Variants in SLC71A2 observed in about 807,000 individuals in gnomAD.
SLC71A2 encodes hippocampus abundant transcript-like 1.
chr9:94,458,166 G>T, the SLC71A2 span: 2 of 565,302 alleles, frequency 3.5e-6, no homozygotes, highest in South Asian at 2.8e-5. Context: ...TTTTATAATG[G>T]ATAAAGTCTT....
At chr9:94,425,412 T>C in the SLC71A2 span, among the ~76,000 whole-genome samples, 1 of 152,300 alleles carries the variant, frequency 6.6e-6, no homozygotes, top group South Asian at 2.1e-4. Flanking sequence ...GAAGAGCTGA[T>C]TATAAAATAT....
At chr9:94,457,395 CCTTT>C in the SLC71A2 span, among the ~76,000 whole-genome samples, 1 of 110,338 alleles carries the variant, frequency 9.1e-6, no homozygotes, top group Non-Finnish European at 1.9e-5. Context: ...GCCTAAGAGC[CCTTT>C]TTTTTAAAAG....
At chr9:94,452,021 C>T in the SLC71A2 span, among the ~76,000 whole-genome samples, 1 of 152,198 alleles carries the variant, frequency 6.6e-6, no homozygotes, top group African/African-American at 2.4e-5. Flanking sequence ...TTAGTGTTTT[C>T]TCAGAAAAGA....
the SLC71A2 span, chr9:94,459,155 C>T: frequency 6.2e-7 from 1 of 1,611,384 alleles, no homozygotes; most frequent in Non-Finnish European, 8.5e-7. Flanking sequence ...TTTCCACGTT[C>T]AACAGGGAGC....
the SLC71A2 span, chr9:94,374,451 G>A: frequency 0.028 from 4,232 of 152,490 alleles, 80 homozygotes; most frequent in Non-Finnish European, 0.043. Flanking sequence ...TCAGGCGCGG[G>A]ACTCGTTCTC....
At chr9:94,404,297 CTT>C in the SLC71A2 span, among the ~76,000 whole-genome samples, 1 of 151,798 alleles carries the variant, frequency 6.6e-6, no homozygotes, top group Admixed American at 6.6e-5. Context: ...TTTTCTTTCT[CTT>C]TTTTGTTTTT....
At chr9:94,451,846 C>T in the SLC71A2 span, among the ~76,000 whole-genome samples, 15 of 152,164 alleles carry the variant, frequency 9.9e-5, no homozygotes, top group Non-Finnish European at 2.1e-4. Flanking sequence ...ACCAGGCAGC[C>T]CAGCCTGGTG....
At chr9:94,409,954 G>A in the SLC71A2 span, among the ~76,000 whole-genome samples, 1 of 138,560 alleles carries the variant, frequency 7.2e-6, no homozygotes, top group Non-Finnish European at 1.5e-5. Flanking sequence ...CAGTGTTACT[G>A]AAGTCTTCTA....
chr9:94,458,224 G>T, the SLC71A2 span: 3 of 1,040,622 alleles, frequency 2.9e-6, no homozygotes, highest in South Asian at 3.6e-5. Context: ...CAGTCTTGCC[G>T]AATTAGTGTA....
At chr9:94,414,299 G>C in the SLC71A2 span, among the ~76,000 whole-genome samples, 1 of 152,240 alleles carries the variant, frequency 6.6e-6, no homozygotes, top group African/African-American at 2.4e-5. Flanking sequence ...TCAAGGCAGG[G>C]TTAACAGGTC....
chr9:94,442,334 A>G, the SLC71A2 span, among the ~76,000 whole-genome samples: 1 of 152,194 alleles, frequency 6.6e-6, no homozygotes, highest in African/African-American at 2.4e-5. Flanking sequence ...TGTTGACTTT[A>G]GACATCAGTA....
chr9:94,429,400 C>A, the SLC71A2 span: 9 of 1,279,516 alleles, frequency 7.0e-6, no homozygotes, highest in South Asian at 1.3e-4. Context: ...TATTAAAAGT[C>A]ACTTTAAAAT....
chr9:94,446,701 A>G, the SLC71A2 span: 38,456 of 503,778 alleles, frequency 0.076, 1,927 homozygotes, highest in Non-Finnish European at 0.1. Flanking sequence ...ACTTCCTTTT[A>G]TTAACCATTT....
chr9:94,426,326 G>A, the SLC71A2 span, among the ~76,000 whole-genome samples: 3 of 152,012 alleles, frequency 2.0e-5, no homozygotes, highest in Non-Finnish European at 2.9e-5. Context: ...ACACCAGGGA[G>A]CTTACTTTGT....
the SLC71A2 span, among the ~76,000 whole-genome samples, chr9:94,449,727 T>TA: frequency 6.6e-6 from 1 of 152,240 alleles, no homozygotes; most frequent in African/African-American, 2.4e-5. Context: ...CCTAGGTATA[T>TA]ATACCCATGA....
chr9:94,425,026 T>A, the SLC71A2 span, among the ~76,000 whole-genome samples: 2 of 151,944 alleles, frequency 1.3e-5, no homozygotes, highest in African/African-American at 4.8e-5. Context: ...GTTCCTTTTC[T>A]GTTGTCCTAC....
chr9:94,377,235 G>A, the SLC71A2 span, among the ~76,000 whole-genome samples: 2 of 151,842 alleles, frequency 1.3e-5, no homozygotes, highest in South Asian at 2.1e-4. Flanking sequence ...GTGTCCTATA[G>A]CCCCTATATG....
the SLC71A2 span, among the ~76,000 whole-genome samples, chr9:94,445,857 A>C: frequency 5.6e-3 from 852 of 152,326 alleles, 8 homozygotes; most frequent in African/African-American, 0.02. Context: ...AAATTCATGT[A>C]ATCAATCAGA....
the SLC71A2 span, chr9:94,429,120 A>C: frequency 6.7e-5 from 107 of 1,592,588 alleles, no homozygotes; most frequent in South Asian, 7.6e-4. Flanking sequence ...GCATGCCATT[A>C]AAAGAGGCAG....
Sources: allele counts gnomAD v4.1 joint callset (sites outside exome capture counted in the v4.1 genomes callset), GRCh38; gene constraint gnomAD v4.1.1; transcripts MANE v1.5; gene names NCBI Gene and HGNC (gene_info 2026-07-23, HGNC 2026-07-21).